The following CILK1 variants were observed in gnomAD, a reference collection of about 807,000 sequenced individuals.
CILK1 encodes the protein serine/threonine-protein kinase ICK.
CILK1 carries 47 observed loss-of-function variants against 79.2 expected under a neutral mutation model. The observed-to-expected ratio is 0.59, with a 90% CI of 0.47 to 0.76. CILK1 has a LOEUF of 0.76. Among genes scored for constraint, CILK1 ranks in the 30% least tolerant of loss-of-function variants. The pLI is 0.00. For synonymous variants in CILK1, 266 were observed against 275.9 expected, an observed-to-expected ratio of 0.96 and a Z score of 0.36; for missense variants, 660 against 769.5, an observed-to-expected ratio of 0.86 and a Z score of 1.68.
At chr6:53,018,283 G>T (rs747006443) in intron 7 of CILK1, 47 bp downstream of exon 7, 11 of 1,570,836 alleles carry the variant, frequency 7.0e-6, no homozygotes, top group Middle Eastern at 3.5e-4. Flanking sequence ...GAGGAAGCAT[G>T]GGAAGCTGTT....
chr6:53,055,885 C>A (rs1255580341), intron 1 of CILK1, among the ~76,000 whole-genome samples: 2 of 152,106 alleles, frequency 1.3e-5, no homozygotes, highest in Non-Finnish European at 2.9e-5. Context: ...AATAAAAAAA[C>A]AGCCAGAAAA....
intron 1 of CILK1, among the ~76,000 whole-genome samples, chr6:53,058,323 A>G (rs1166013961): frequency 6.6e-6 from 1 of 152,190 alleles, no homozygotes; most frequent in South Asian, 2.1e-4. Context: ...TTTGGCTGCA[A>G]TCAAAGGCAT....
chr6:53,027,980 A>G (rs753296945), intron 5 of CILK1, among the ~76,000 whole-genome samples: 12 of 152,146 alleles, frequency 7.9e-5, no homozygotes, highest in Non-Finnish European at 1.5e-4. Context: ...ACCCGTCTCT[A>G]CTAAAAAATA....
chr6:53,023,976 G>A (rs1765411129), intron 5 of CILK1, among the ~76,000 whole-genome samples: 2 of 152,174 alleles, frequency 1.3e-5, no homozygotes, highest in Admixed American at 6.5e-5. Context: ...GTGAGAGGAG[G>A]AAGTACTTCC....
intron 5 of CILK1, among the ~76,000 whole-genome samples, chr6:53,028,019 C>T (rs1393295941): frequency 1.3e-5 from 2 of 152,088 alleles, no homozygotes; most frequent in Non-Finnish European, 2.9e-5. Flanking sequence ...TGGTGGCATG[C>T]GCCTGTAGTC....
Position 53,006,412 on chromosome 6 carries a change from A to G in CILK1, c.1647T>C (p.Ser549=), listed in dbSNP as rs1030001076. The part of the protein sequence containing the change: ...NSVGSSSTSS[S]GLTGNYVPSF... The stretch of plus-strand genomic sequence containing the variant: ...AAGGGACATAGTTTCCAGTCAGTCC[A>G]CTAGAACTTGTAGAGCTGGAACCAA... Residue 549 remains serine, a synonymous_variant, in exon 13 of 14, where the codon AGT becomes AGC. Coordinates refer to ENST00000676107, the MANE Select transcript of CILK1 (RefSeq NM_014920.5). 6 of 1,613,856 alleles carry G rather than the reference A, an allele frequency of 3.7e-6. No individual in the cohort carries two copies. In the African/African-American group the frequency reaches 8.0e-5, roughly 22 times the overall value.
At chr6:53,006,914 C>A (rs1764257742) in intron 12 of CILK1, among the ~76,000 whole-genome samples, 1 of 152,198 alleles carries the variant, frequency 6.6e-6, no homozygotes, top group African/African-American at 2.4e-5. Context: ...AGTAATTACA[C>A]ACTAAATATT....
intron 5 of CILK1, among the ~76,000 whole-genome samples, chr6:53,028,124 G>A (rs1765694863): frequency 6.7e-6 from 1 of 148,592 alleles, no homozygotes; most frequent in Non-Finnish European, 1.5e-5. Context: ...TCCAGCCTGG[G>A]TGACATAGCG....
At chr6:53,023,261 A>G (rs1407948734) in intron 5 of CILK1, among the ~76,000 whole-genome samples, 2 of 152,166 alleles carry the variant, frequency 1.3e-5, no homozygotes, top group African/African-American at 4.8e-5. Context: ...AGACAGAAGC[A>G]CTTTAAGGGC....
At chr6:53,031,632 C>T (rs529185077) in intron 4 of CILK1, among the ~76,000 whole-genome samples, 7 of 152,328 alleles carry the variant, frequency 4.6e-5, no homozygotes, top group East Asian at 3.9e-4. Flanking sequence ...AGGTAAATTT[C>T]TTATTAGCCT....
At chr6:53,045,494 T>C (rs535130372) in intron 1 of CILK1, among the ~76,000 whole-genome samples, 11 of 152,338 alleles carry the variant, frequency 7.2e-5, no homozygotes, top group Admixed American at 5.2e-4. Flanking sequence ...GTATTCATTA[T>C]ATACATGAGA....
intron 3 of CILK1, among the ~76,000 whole-genome samples, chr6:53,037,157 T>C (rs1292606194): frequency 2.0e-5 from 3 of 152,068 alleles, no homozygotes; most frequent in African/African-American, 7.3e-5. Context: ...TAAAATTAGA[T>C]GAAGCACCAC....
chr6:53,009,289 AGAG>A, intron 12 of CILK1, 147 bp downstream of exon 12: 2 of 780,614 alleles, frequency 2.6e-6, no homozygotes, highest in Non-Finnish European at 4.5e-6. Context: ...GCCGAGAAAG[AGAG>A]GAGGATAGGG....
intron 9 of CILK1, 81 bp from the exon 10 acceptor site, chr6:53,012,308 C>A (rs1764621332): frequency 1.5e-6 from 2 of 1,330,378 alleles, no homozygotes; most frequent in East Asian, 4.8e-5. Context: ...TCTGAACTTT[C>A]TCTGCTATGC....
intron 1 of CILK1, among the ~76,000 whole-genome samples, chr6:53,045,791 T>TAAA (rs34673433): frequency 0.73 from 82,086 of 112,948 alleles, 29,982 homozygotes; most frequent in South Asian, 0.87. Flanking sequence ...GTCATCTTCC[T>TAAA]AAAAAAAAAA....
At chr6:53,005,993 A>G (rs1429177577) in intron 13 of CILK1, among the ~76,000 whole-genome samples, 7 of 152,048 alleles carry the variant, frequency 4.6e-5, no homozygotes, top group African/African-American at 1.2e-4. Context: ...TGCTTGCTCA[A>G]TCACCTCCTC....
At chr6:53,055,281 A>G (rs1203338212) in intron 1 of CILK1, among the ~76,000 whole-genome samples, 1 of 152,246 alleles carries the variant, frequency 6.6e-6, no homozygotes, top group East Asian at 1.9e-4. Context: ...AATGTGTCCT[A>G]ACTTTACAAA....
At chr6:53,043,282 C>T (rs574681463) in intron 1 of CILK1, among the ~76,000 whole-genome samples, 6 of 151,812 alleles carry the variant, frequency 4.0e-5, no homozygotes, top group East Asian at 3.9e-4. Flanking sequence ...CGCCACTGCA[C>T]GCCAGCCTGG....
chr6:53,017,490 G>A (rs184737999), intron 7 of CILK1, among the ~76,000 whole-genome samples: 1 of 152,292 alleles, frequency 6.6e-6, no homozygotes, highest in African/African-American at 2.4e-5. Flanking sequence ...GCTGTTAGGT[G>A]TATAGGTATG....
Sources: gnomAD v4.1 joint callset for allele counts (sites outside exome capture counted in the v4.1 genomes callset) on GRCh38, gnomAD v4.1.1 for gene constraint, MANE v1.5 for transcripts, NCBI Gene and HGNC (gene_info 2026-07-23, HGNC 2026-07-21) for gene names.